Variants in NUP210L observed in about 807,000 individuals in gnomAD.
The protein encoded by NUP210L is nucleoporin 210 like.
A neutral mutation model predicts 208.5 loss-of-function variants in NUP210L; 74 were observed. The observed-to-expected ratio is 0.35, with a 90% CI of 0.29 to 0.43. The LOEUF is 0.43. Ranked by LOEUF, NUP210L falls within the 20% of genes least tolerant of loss-of-function variation. The probability of loss-of-function intolerance (pLI) is 1.00; values close to 1 mark genes in which losing one functional copy is unlikely to be tolerated. For missense variants in NUP210L, 1,843 were observed against 2,289.4 expected, an observed-to-expected ratio of 0.81 and a Z score of 3.98; for synonymous variants, 780 against 816.9, an observed-to-expected ratio of 0.95 and a Z score of 0.77.
intron 25 of NUP210L, among the ~76,000 whole-genome samples, chr1:154,051,096 C>T (rs995640782): frequency 6.6e-6 from 1 of 152,202 alleles, no homozygotes; most frequent in African/African-American, 2.4e-5. Flanking sequence ...GAGTAGAATG[C>T]ACCCTTTTTA....
chr1:154,072,065 T>C (rs1654765527), intron 16 of NUP210L, among the ~76,000 whole-genome samples: 1 of 151,948 alleles, frequency 6.6e-6, no homozygotes, highest in Non-Finnish European at 1.5e-5. Context: ...ATTTTTGCAA[T>C]TTCAAAGTGT....
At chr1:154,129,393 G>A in intron 7 of NUP210L, 48 bp from the exon 8 acceptor site, 2 of 1,117,512 alleles carry the variant, frequency 1.8e-6, no homozygotes, top group South Asian at 1.3e-5. Flanking sequence ...TGGGTGAAAA[G>A]GTGAGGTACC....
chr1:154,014,508 A>C (rs991717218), intron 33 of NUP210L, among the ~76,000 whole-genome samples: 2 of 152,044 alleles, frequency 1.3e-5, no homozygotes, highest in South Asian at 4.1e-4. Flanking sequence ...ATGTTATCCA[A>C]ATTTTCCCTC....
chr1:154,121,599 G>A (rs1420341387), intron 10 of NUP210L, among the ~76,000 whole-genome samples: 2 of 152,190 alleles, frequency 1.3e-5, no homozygotes, highest in African/African-American at 4.8e-5. Context: ...GAAAGCGGTG[G>A]CTCACGCCTG....
intron 35 of NUP210L, among the ~76,000 whole-genome samples, chr1:154,006,054 C>T (rs981980510): frequency 1.3e-5 from 2 of 151,992 alleles, no homozygotes; most frequent in African/African-American, 4.8e-5. Flanking sequence ...GATGGGGTTT[C>T]TCCATGTTGA....
At chr1:154,131,606 ATTTG>A (rs1658257711) in intron 7 of NUP210L, among the ~76,000 whole-genome samples, 1 of 151,552 alleles carries the variant, frequency 6.6e-6, no homozygotes, top group African/African-American at 2.4e-5. Flanking sequence ...TTTCAAACTT[ATTTG>A]TTTTTGTCCT....
At chr1:154,068,930 C>T (rs1654555311) in intron 17 of NUP210L, among the ~76,000 whole-genome samples, 1 of 152,100 alleles carries the variant, frequency 6.6e-6, no homozygotes, top group East Asian at 1.9e-4. Context: ...ACATATGTAA[C>T]TAACCTGCAC....
chr1:154,116,246 C>T (rs1202465875), intron 12 of NUP210L, among the ~76,000 whole-genome samples: 1 of 131,226 alleles, frequency 7.6e-6, no homozygotes, highest in Non-Finnish European at 1.6e-5. Context: ...CAGAAAGAGA[C>T]TCCATCTCAA....
chr1:154,101,472 AAAAC>A (rs537399321), intron 13 of NUP210L, among the ~76,000 whole-genome samples: 5 of 152,236 alleles, frequency 3.3e-5, no homozygotes, highest in East Asian at 1.9e-4. Flanking sequence ...GACACTGTTA[AAAAC>A]AAACAAACAA....
At chr1:154,051,180 G>A (rs1176815572) in intron 25 of NUP210L, among the ~76,000 whole-genome samples, 1 of 152,010 alleles carries the variant, frequency 6.6e-6, no homozygotes, top group Non-Finnish European at 1.5e-5. Context: ...TGATTGCCTA[G>A]TTGCTACTAC....
At chr1:154,050,201 G>A (rs572492026) in intron 25 of NUP210L, among the ~76,000 whole-genome samples, 1 of 152,310 alleles carries the variant, frequency 6.6e-6, no homozygotes, top group East Asian at 1.9e-4. Context: ...GTAACCATAT[G>A]TAGGGATCAA....
At chr1:154,114,590 T>C (rs975942809) in intron 12 of NUP210L, among the ~76,000 whole-genome samples, 1 of 152,110 alleles carries the variant, frequency 6.6e-6, no homozygotes, top group Non-Finnish European at 1.5e-5. Flanking sequence ...TTCATCATCT[T>C]TTCCATTTTT....
intron 16 of NUP210L, among the ~76,000 whole-genome samples, chr1:154,080,842 T>C (rs1293261638): frequency 6.6e-6 from 1 of 151,710 alleles, no homozygotes; most frequent in Non-Finnish European, 1.5e-5. Flanking sequence ...CATGGTGGCA[T>C]GTGCTCTTGG....
At chr1:154,049,152 A>G (rs543830541) in intron 25 of NUP210L, among the ~76,000 whole-genome samples, 2 of 152,186 alleles carry the variant, frequency 1.3e-5, no homozygotes, top group Non-Finnish European at 2.9e-5. Context: ...TCAATTTAAC[A>G]TAGTTGGAGT....
At chr1:154,097,658 T>C (rs1041833371) in intron 14 of NUP210L, among the ~76,000 whole-genome samples, 2 of 152,194 alleles carry the variant, frequency 1.3e-5, no homozygotes, top group African/African-American at 4.8e-5. Context: ...TAATTTATCT[T>C]TTTTCTTTTA....
chr1:154,031,637 G>T (rs1652228535), intron 27 of NUP210L, among the ~76,000 whole-genome samples: 1 of 143,168 alleles, frequency 7.0e-6, no homozygotes. Context: ...TGCGAAGTTT[G>T]TCTATCTATA....
chr1:154,103,330 G>T (rs1308611124), intron 13 of NUP210L, among the ~76,000 whole-genome samples: 2 of 145,928 alleles, frequency 1.4e-5, no homozygotes, highest in South Asian at 2.2e-4. Flanking sequence ...GGAGGTGGAG[G>T]TTGCAGTGAG....
intron 32 of NUP210L, among the ~76,000 whole-genome samples, chr1:154,021,229 C>T (rs1415315850): frequency 2.6e-5 from 4 of 152,180 alleles, no homozygotes; most frequent in African/African-American, 4.8e-5. Flanking sequence ...CATGGGCCAC[C>T]GCACCTGGCT....
At chr1:154,072,040 C>G (rs1654764620) in intron 16 of NUP210L, among the ~76,000 whole-genome samples, 2 of 151,730 alleles carry the variant, frequency 1.3e-5, no homozygotes, top group Admixed American at 1.3e-4. Context: ...TGATGGGCAT[C>G]TCAGTTGGTT....
Sources: gnomAD v4.1 joint callset for allele counts (sites outside exome capture counted in the v4.1 genomes callset) on GRCh38, gnomAD v4.1.1 for gene constraint, MANE v1.5 for transcripts, NCBI Gene and HGNC (gene_info 2026-07-23, HGNC 2026-07-21) for gene names.